Variants in GDAP1 observed in about 807,000 individuals in gnomAD.
GDAP1 encodes ganglioside-induced differentiation-associated protein 1.
Under a neutral mutation model 40.1 loss-of-function variants are expected in GDAP1, and 34 were observed. That is an observed-to-expected ratio of 0.85 (90% confidence interval 0.64 to 1.13). The LOEUF is 1.13. GDAP1 is among the 50% of genes most tolerant of loss of function. The pLI, the probability that GDAP1 is intolerant of heterozygous loss-of-function variation, is 0.00. For synonymous variants in GDAP1, 170 were observed against 157.4 expected, an observed-to-expected ratio of 1.08 and a Z score of -0.60; for missense variants, 374 against 433.7, an observed-to-expected ratio of 0.86 and a Z score of 1.22.
At chr8:74,384,391 T>G (rs1385027097) in intron 2 of GDAP1, among the ~76,000 whole-genome samples, 1 of 152,208 alleles carries the variant, frequency 6.6e-6, no homozygotes, top group Admixed American at 6.5e-5. Flanking sequence ...AAAAATTGTT[T>G]TCTTCAGGTC....
chr8:74,366,220 A>G lies in GDAP1; in HGVS notation c.*1853A>G, dbSNP rs1404573160. 6.6e-6 allele frequency: 3 copies of G among 454,114 alleles called. No individual in the cohort carries two copies. The highest frequency in any genetic ancestry group is 4.7e-5 in the South Asian group (3 of 64,240). 28.1% of individuals were successfully genotyped at this position (454,114 alleles called of 1,614,324 possible). On this transcript the variant is annotated 3_prime_UTR_variant, in exon 6 of 6. Coordinates refer to ENST00000220822, the MANE Select transcript of GDAP1 (RefSeq NM_018972.4). ...ATACGTTAAAGATAGTGGCAATTTC[A>G]TATATTTCATGGATACTTGAGTTTG...
At chr8:74,374,565 T>G (rs1307826343) in intron 2 of GDAP1, among the ~76,000 whole-genome samples, 1 of 152,000 alleles carries the variant, frequency 6.6e-6, no homozygotes, top group Non-Finnish European at 1.5e-5. Context: ...TCAAAATTCA[T>G]CCTTGGAAAG....
rs765308562 is a variant in GDAP1 at position 74,360,120 on chromosome 8, G to A, written c.311-17G>A. 4.4e-6 allele frequency: 7 copies of A among 1,581,246 alleles called. No individual in the cohort carries two copies. Among genetic ancestry groups the A allele is most frequent in the Non-Finnish European group, 5.2e-6 (6 of 1,150,300 alleles). On this transcript the variant is annotated splice_polypyrimidine_tract_variant and intron_variant, in intron 2 of 5. Transcript: ENST00000220822. ...ATGTGTAACTTTTTCTTCAATATTT[G>A]TGTGTGTGTATTTTAGAAAGAACAC...
intron 2 of GDAP1, among the ~76,000 whole-genome samples, chr8:74,467,084 A>G (rs968563431): frequency 2.0e-5 from 3 of 152,196 alleles, no homozygotes; most frequent in African/African-American, 4.8e-5. Flanking sequence ...GTATTTATAT[A>G]TGAAGATTAT....
At chr8:74,458,636 A>G (rs190270193) in intron 2 of GDAP1, among the ~76,000 whole-genome samples, 1 of 152,314 alleles carries the variant, frequency 6.6e-6, no homozygotes, top group Admixed American at 6.5e-5. Flanking sequence ...GCATTTCAAG[A>G]CTAGTTCTCA....
intron 2 of GDAP1, among the ~76,000 whole-genome samples, chr8:74,357,180 A>C (rs1563440711): frequency 6.6e-6 from 1 of 152,202 alleles, no homozygotes; most frequent in Non-Finnish European, 1.5e-5. Context: ...GTTTCCATTG[A>C]GCTAGTAGTA....
chr8:74,418,074 G>T (rs1033888959), intron 2 of GDAP1, among the ~76,000 whole-genome samples: 1 of 152,186 alleles, frequency 6.6e-6, no homozygotes, highest in Non-Finnish European at 1.5e-5. Context: ...TGTTTTCATG[G>T]ATTGGGAATC....
chr8:74,421,119 G>A (rs1430766951), intron 2 of GDAP1, among the ~76,000 whole-genome samples: 1 of 152,016 alleles, frequency 6.6e-6, no homozygotes, highest in Non-Finnish European at 1.5e-5. Context: ...TTTTCTATTG[G>A]GTGAAGCAAC....
chr8:74,396,633 A>G lies in GDAP1; in HGVS notation c.165+45312A>G, dbSNP rs190894891. Among the ~76,000 whole-genome samples, 852 of 151,160 alleles carry G rather than the reference A, an allele frequency of 5.6e-3. 10 individuals carry two copies. The highest frequency in any genetic ancestry group is 0.019 in the African/African-American group (791 of 41,078). On this transcript the variant is annotated intron_variant, in intron 2 of 2. Coordinates refer to the GDAP1 transcript ENST00000523640. ...TGGTTTTTTGTCCTTGCGATAGTTT[A>G]CTGAGAATGATGATTTCCAGTTTCA...
chr8:74,401,451 C>T lies in GDAP1; in HGVS notation c.165+50130C>T, dbSNP rs569542101. ...GTATTGGTTATTCTAGTTATACATT[C>T]GTCTCTATTTTTTTCAAAGTTTTTA... On this transcript the variant is annotated intron_variant, in intron 2 of 2. Transcript: ENST00000523640. 4.7e-5 allele frequency among the ~76,000 whole-genome samples: 7 copies of T among 149,780 alleles called. 1 individual carries two copies. The highest frequency in any genetic ancestry group is 1.3e-4 in the African/African-American group (5 of 39,156).
intron 2 of GDAP1, among the ~76,000 whole-genome samples, chr8:74,425,085 C>T (rs1805930673): frequency 6.6e-6 from 1 of 152,202 alleles, no homozygotes; most frequent in Non-Finnish European, 1.5e-5. Context: ...CAAATAGGCA[C>T]TACAGGCACA....
At chr8:74,382,000 CT>C (rs903845986) in intron 2 of GDAP1, among the ~76,000 whole-genome samples, 12 of 149,862 alleles carry the variant, frequency 8.0e-5, no homozygotes, top group African/African-American at 2.2e-4. Flanking sequence ...CATTACCAAA[CT>C]TTTTTTTTTC....
chr8:74,456,783 A>G (rs1391429168), intron 2 of GDAP1, among the ~76,000 whole-genome samples: 3 of 152,018 alleles, frequency 2.0e-5, no homozygotes, highest in Non-Finnish European at 2.9e-5. Context: ...TTTGTGCCAC[A>G]GGTTCACGGT....
At chr8:74,468,092 G>A (rs1366633874) in intron 2 of GDAP1, among the ~76,000 whole-genome samples, 3 of 151,412 alleles carry the variant, frequency 2.0e-5, no homozygotes, top group Non-Finnish European at 2.9e-5. Context: ...AATTATTTGG[G>A]CCTACCTGTG....
chr8:74,378,356 G>C (rs147692913), intron 2 of GDAP1, among the ~76,000 whole-genome samples: 290 of 152,234 alleles, frequency 1.9e-3, no homozygotes, highest in African/African-American at 6.5e-3. Context: ...TGCAACTCCT[G>C]GTCTGAGCTC....
chr8:74,462,448 T>C (rs1339278526), intron 2 of GDAP1, among the ~76,000 whole-genome samples: 1 of 152,232 alleles, frequency 6.6e-6, no homozygotes, highest in African/African-American at 2.4e-5. Context: ...AAGAGCCTAT[T>C]TTCCTTAGTG....
intron 2 of GDAP1, among the ~76,000 whole-genome samples, chr8:74,400,681 T>C (rs1301217284): frequency 1.5e-4 from 22 of 149,954 alleles, no homozygotes; most frequent in Admixed American, 1.2e-3. Context: ...GATTTTGCAG[T>C]GGCTGGTACC....
At chr8:74,373,351 G>C (rs892999885) in intron 2 of GDAP1, among the ~76,000 whole-genome samples, 3 of 152,166 alleles carry the variant, frequency 2.0e-5, no homozygotes, top group African/African-American at 7.2e-5. Flanking sequence ...CTTGGGCAGT[G>C]TGGCCATTTT....
intron 2 of GDAP1, among the ~76,000 whole-genome samples, chr8:74,437,838 C>T (rs574468931): frequency 7.2e-5 from 11 of 152,232 alleles, no homozygotes; most frequent in African/African-American, 2.4e-4. Flanking sequence ...TGAATATACT[C>T]GAATATATCT....
Sources: gnomAD v4.1 joint callset for allele counts (sites outside exome capture counted in the v4.1 genomes callset) on GRCh38, gnomAD v4.1.1 for gene constraint, MANE v1.5 for transcripts, NCBI Gene and HGNC (gene_info 2026-07-23, HGNC 2026-07-21) for gene names.